The following TEX9 variants were observed in gnomAD, a reference collection of about 807,000 sequenced individuals.
TEX9 encodes the protein testis expressed 9.
TEX9 carries 74 observed loss-of-function variants against 59.6 expected under a neutral mutation model. The observed-to-expected ratio is 1.24, with a 90% CI of 1.03 to 1.51. The LOEUF (loss-of-function observed/expected upper bound fraction) is 1.51. Ranked by LOEUF, TEX9 falls within the 40% of genes most tolerant of loss-of-function variation. TEX9 has a pLI of 0.00. For synonymous variants in TEX9, 186 were observed against 152.2 expected, an observed-to-expected ratio of 1.22 and a Z score of -1.64; for missense variants, 522 against 447.8, an observed-to-expected ratio of 1.17 and a Z score of -1.49.
intron 1 of TEX9, among the ~76,000 whole-genome samples, chr15:56,325,995 G>T (rs1268798656): frequency 2.0e-5 from 3 of 152,116 alleles, no homozygotes; most frequent in Non-Finnish European, 4.4e-5. Flanking sequence ...AGGTATCATT[G>T]GTTAGAAAGC....
At chr15:56,362,583 C>T (rs555275528), upstream of TEX9, among the ~76,000 whole-genome samples, 2 of 152,122 alleles carry the variant, frequency 1.3e-5, no homozygotes, top group African/African-American at 4.8e-5. Context: ...TCTATATTTA[C>T]CCATATAAAG....
intron 2 of TEX9, among the ~76,000 whole-genome samples, chr15:56,369,134 G>A (rs1176801359): frequency 6.6e-6 from 1 of 152,032 alleles, no homozygotes; most frequent in Non-Finnish European, 1.5e-5. Context: ...TTATTTAGAA[G>A]TGTGTTTTTT....
intron 2 of TEX9, among the ~76,000 whole-genome samples, chr15:56,368,399 C>G (rs552480145): frequency 6.6e-6 from 1 of 152,136 alleles, no homozygotes; most frequent in East Asian, 1.9e-4. Flanking sequence ...TACTTCTTTT[C>G]CTTTCTGTTT....
the TEX9 span, among the ~76,000 whole-genome samples, chr15:56,457,751 G>A: frequency 6.6e-6 from 1 of 151,620 alleles, no homozygotes; most frequent in African/African-American, 2.4e-5. Context: ...GGAGTTCAAG[G>A]CTGCAGTAAG....
intron 1 of TEX9, among the ~76,000 whole-genome samples, chr15:56,314,720 T>C (rs2045711610): frequency 6.6e-6 from 1 of 151,938 alleles, no homozygotes; most frequent in Non-Finnish European, 1.5e-5. Context: ...ACTTTCTGTC[T>C]CGTTGATCTG....
rs574724081 is a variant in TEX9 at position 56,420,841 on chromosome 15, A to G, written c.964-6764A>G. ...TACGAGTTTGTCATTTCATTTTTCAAATACTTAGGGATTTTCCCCAGATAC... is the reference window on the plus strand; with the variant it reads ...TACGAGTTTGTCATTTCATTTTTCAGATACTTAGGGATTTTCCCCAGATAC... On this transcript the variant is annotated intron_variant, in intron 10 of 12. Transcript: ENST00000352903. Among the ~76,000 whole-genome samples the G allele has an allele frequency of 1.3e-4, 19 of 151,918 alleles. 2 individuals are homozygous for G. The highest frequency in any genetic ancestry group is 4.4e-4 in the African/African-American group (18 of 41,266).
At chr15:56,289,419 C>T (rs1433885023) in intron 1 of TEX9, among the ~76,000 whole-genome samples, 3 of 152,170 alleles carry the variant, frequency 2.0e-5, no homozygotes, top group Admixed American at 1.3e-4. Context: ...TATAAAGGCA[C>T]TTGCTGGGTA....
chr15:56,409,162 C>G (rs2049226126), intron 9 of TEX9, among the ~76,000 whole-genome samples: 1 of 151,788 alleles, frequency 6.6e-6, no homozygotes, highest in Non-Finnish European at 1.5e-5. Context: ...CACCACTGCA[C>G]TCCAGCCTGA....
chr15:56,381,170 A>T (rs750709458), intron 3 of TEX9, among the ~76,000 whole-genome samples: 1 of 151,870 alleles, frequency 6.6e-6, no homozygotes, highest in African/African-American at 2.4e-5. Flanking sequence ...CTTCTGCTTG[A>T]TCAGTTCTGC....
chr15:56,244,419 C>T (rs1466264612), intron 1 of TEX9: 2 of 152,210 alleles, frequency 1.3e-5, no homozygotes, highest in African/African-American at 4.8e-5. Context: ...CATTCAAAGC[C>T]CTCCAAATCT....
intron 1 of TEX9, among the ~76,000 whole-genome samples, chr15:56,276,821 G>A (rs1015717474): frequency 2.6e-5 from 4 of 152,122 alleles, no homozygotes; most frequent in Admixed American, 6.5e-5. Context: ...CTATTTCTCC[G>A]CATCCTTGCC....
At chr15:56,364,559 C>T (rs2046860212), upstream of TEX9, among the ~76,000 whole-genome samples, 1 of 151,416 alleles carries the variant, frequency 6.6e-6, no homozygotes, top group Non-Finnish European at 1.5e-5. Flanking sequence ...AAGATTTACA[C>T]CAACAGTTTC....
intron 10 of TEX9, among the ~76,000 whole-genome samples, chr15:56,413,234 A>AT (rs2049475368): frequency 1.4e-5 from 2 of 140,800 alleles, no homozygotes; most frequent in Non-Finnish European, 1.5e-5. Flanking sequence ...AATTTATTTA[A>AT]TACTTAAATA....
chr15:56,298,044 A>C (rs1232541682), intron 1 of TEX9, among the ~76,000 whole-genome samples: 1 of 152,204 alleles, frequency 6.6e-6, no homozygotes, highest in Non-Finnish European at 1.5e-5. Flanking sequence ...TTGCAATCTG[A>C]TTGGCTCAGT....
chr15:56,422,588 C>G (rs2050035814), intron 10 of TEX9, among the ~76,000 whole-genome samples: 1 of 151,760 alleles, frequency 6.6e-6, no homozygotes, highest in African/African-American at 2.4e-5. Flanking sequence ...CCATTACCCC[C>G]CACCCTTTCT....
rs867850839 is a variant in TEX9, at chr15:56,400,086, G to A, written c.828+5252G>A. On this transcript the variant is annotated intron_variant, in intron 9 of 12. Transcript: ENST00000352903. ...ACCAGAGCACCTCTTCTTCTCCAAA[G>A]AATTGCAGCTCCTTTCCAGCAACAG... 1.4e-4 allele frequency among the ~76,000 whole-genome samples: 22 copies of A among 152,336 alleles called. 1 individual carries two copies. Among genetic ancestry groups the A allele is most frequent in the Middle Eastern group, 6.8e-3 (2 of 294 alleles).
upstream of TEX9, among the ~76,000 whole-genome samples, chr15:56,361,127 C>G (rs1776955888): frequency 1.3e-5 from 2 of 152,136 alleles, no homozygotes; most frequent in African/African-American, 4.8e-5. Flanking sequence ...TTCTCTTTTT[C>G]TTGGTTAGCA....
chr15:56,340,548 T>C (rs1596103088), intron 1 of TEX9, among the ~76,000 whole-genome samples: 4 of 152,314 alleles, frequency 2.6e-5, no homozygotes, highest in Non-Finnish European at 4.4e-5. Context: ...TTATGAGAAC[T>C]GGACAACAAG....
At chr15:56,444,799 G>T in intron 12 of TEX9, 1 of 854,398 alleles carries the variant, frequency 1.2e-6, no homozygotes, top group Non-Finnish European at 1.8e-6. Context: ...CATCTGTCTA[G>T]GTTAAAAAGC....
Sources: allele counts gnomAD v4.1 joint callset (sites outside exome capture counted in the v4.1 genomes callset), GRCh38; gene constraint gnomAD v4.1.1; transcripts MANE v1.5; gene names NCBI Gene and HGNC (gene_info 2026-07-23, HGNC 2026-07-21).